MMP26: variants seen among roughly 807,000 people sequenced by gnomAD.
MMP26 encodes matrix metallopeptidase 26.
Under a neutral mutation model 31.0 loss-of-function variants are expected in MMP26, and 33 were observed. That is an observed-to-expected ratio of 1.06 (90% confidence interval 0.81 to 1.42). The LOEUF is 1.42. Among genes scored for constraint, MMP26 ranks in the 40% most tolerant of loss-of-function variants. MMP26 has a pLI of 0.00. For synonymous variants in MMP26, 122 were observed against 114.9 expected, an observed-to-expected ratio of 1.06 and a Z score of -0.40; for missense variants, 347 against 316.1, an observed-to-expected ratio of 1.10 and a Z score of -0.74.
chr11:4,964,769 GACA>G (rs1284896000), intron 2 of MMP26, among the ~76,000 whole-genome samples: 1 of 152,092 alleles, frequency 6.6e-6, no homozygotes, highest in African/African-American at 2.4e-5. Flanking sequence ...CCTTCGCAGC[GACA>G]AGGATGGAGC....
intron 2 of MMP26, among the ~76,000 whole-genome samples, chr11:4,886,081 A>G (rs1165286678): frequency 2.4e-4 from 37 of 152,044 alleles, no homozygotes; most frequent in Admixed American, 2.3e-3. Flanking sequence ...TTTGCATGTC[A>G]TGGTTTTTGC....
intron 1 of MMP26, among the ~76,000 whole-genome samples, chr11:4,715,638 A>G (rs1046692674): frequency 5.9e-5 from 9 of 152,214 alleles, no homozygotes; most frequent in African/African-American, 1.7e-4. Context: ...AAGGTCACTA[A>G]TAAAACTGGA....
chr11:4,989,860 A>G lies in MMP26; in HGVS notation c.312A>G (p.Leu104=). ...GATGCAAGTGGAATAAGCACACTCT[A>G]ACTTACAGGTGCTTGTTACTAAGGC... is the stretch of plus-strand genomic sequence containing the variant. ...PGRCKWNKHT[L]TYRIINYPHD... The change falls in exon 4 of 8, where the codon CTA becomes CTG. Residue 104 remains leucine, a synonymous_variant. Coordinates refer to ENST00000380390, the MANE Select transcript of MMP26 (RefSeq NM_021801.5). 8 of 1,607,422 alleles carry G rather than the reference A, an allele frequency of 5.0e-6. No individual in the cohort carries two copies. The highest frequency in any genetic ancestry group is 6.8e-6 in the Non-Finnish European group (8 of 1,179,794).
intron 2 of MMP26, among the ~76,000 whole-genome samples, chr11:4,906,619 T>G (rs1033491659): frequency 2.0e-5 from 3 of 152,216 alleles, no homozygotes; most frequent in African/African-American, 4.8e-5. Context: ...TGATCTCTGA[T>G]TATTTTCTTA....
chr11:4,965,069 G>A (rs777298083), intron 2 of MMP26, among the ~76,000 whole-genome samples: 5 of 152,108 alleles, frequency 3.3e-5, no homozygotes, highest in Non-Finnish European at 5.9e-5. Flanking sequence ...CACATGTACC[G>A]CTGAACTGAA....
intron 2 of MMP26, among the ~76,000 whole-genome samples, chr11:4,947,951 T>C (rs1033375963): frequency 8.0e-6 from 1 of 125,250 alleles, no homozygotes; most frequent in Non-Finnish European, 1.8e-5. Context: ...AGGCCAAGTC[T>C]AAGCAGAGAT....
chr11:4,789,530 C>CTTTTTTTTTTTTGT (rs1848993381), intron 2 of MMP26, among the ~76,000 whole-genome samples: 1 of 65,942 alleles, frequency 1.5e-5, no homozygotes, highest in African/African-American at 5.4e-5. Flanking sequence ...TATCCCCCCA[C>CTTTTTTTTTTTTGT]TTTTTTTTTT....
At chr11:4,860,105 C>T in intron 2 of MMP26, 1 of 471,010 alleles carries the variant, frequency 2.1e-6, no homozygotes, top group Non-Finnish European at 4.4e-6. Flanking sequence ...ACACAGACTG[C>T]CCGGGTGAGG....
chr11:4,860,927 T>A (rs935425379), intron 2 of MMP26, among the ~76,000 whole-genome samples: 8 of 151,910 alleles, frequency 5.3e-5, no homozygotes, highest in Non-Finnish European at 1.0e-4. Flanking sequence ...CTTAATAACA[T>A]AGAGCATATT....
intron 2 of MMP26, chr11:4,924,299 A>T (rs1244824105): frequency 6.2e-7 from 1 of 1,613,066 alleles, no homozygotes. Context: ...CGTCAGGAAG[A>T]AAGTGGCTCT....
intron 1 of MMP26, among the ~76,000 whole-genome samples, chr11:4,740,064 T>A (rs1197108672): frequency 6.6e-6 from 1 of 152,208 alleles, no homozygotes; most frequent in East Asian, 1.9e-4. Flanking sequence ...TATGAAGTGA[T>A]TCTTGTTCCA....
intron 1 of MMP26, among the ~76,000 whole-genome samples, chr11:4,741,254 A>G (rs1263518874): frequency 6.6e-6 from 1 of 152,128 alleles, no homozygotes; most frequent in Non-Finnish European, 1.5e-5. Context: ...TGAGGTCTCA[A>G]AGATCTAGAT....
At position 4,769,335 on chromosome 11, in the gene MMP26, G is replaced by A. The variant is rs181690662; in HGVS notation, c.-145+1994G>A. The stretch of plus-strand genomic sequence containing the variant: ...ATTAATCCACAGATGCTATTTGCCC[G>A]AATGTCTGAACATGCTAATTGAATC... On this transcript the variant is annotated intron_variant, in intron 2 of 7. Coordinates refer to ENST00000380390, the MANE Select transcript of MMP26 (RefSeq NM_021801.5). 239 of 1,613,394 alleles carry A rather than the reference G, an allele frequency of 1.5e-4. 1 individual carries two copies. In the East Asian group the frequency reaches 4.7e-3, roughly 32 times the overall value.
chr11:4,907,936 C>T, intron 2 of MMP26: 1 of 1,614,092 alleles, frequency 6.2e-7, no homozygotes, highest in Non-Finnish European at 8.5e-7. Flanking sequence ...AGCTGGCCTG[C>T]TCTGACAACA....
At chr11:4,810,407 A>T (rs1849334671) in intron 2 of MMP26, among the ~76,000 whole-genome samples, 1 of 152,162 alleles carries the variant, frequency 6.6e-6, no homozygotes, top group Non-Finnish European at 1.5e-5. Context: ...GAATAAGCGT[A>T]AGTGTATATC....
chr11:4,914,884 C>CATGGGAGTGTAGAAGAGCAGCACAGCA, intron 2 of MMP26: 1 of 1,614,078 alleles, frequency 6.2e-7, no homozygotes, highest in Non-Finnish European at 8.5e-7. Flanking sequence ...AGAGGCCAAT[C>CATGGGAGTGTAGAAGAGCAGCACAGCA]ATGGGAGTGT....
intron 2 of MMP26, among the ~76,000 whole-genome samples, chr11:4,775,465 G>A (rs1220633666): frequency 6.6e-6 from 1 of 152,118 alleles, no homozygotes; most frequent in Non-Finnish European, 1.5e-5. Flanking sequence ...TGTGACTTCT[G>A]CACATTGATT....
rs1036748081 is a variant in MMP26, at chr11:4,780,912, T to C, written c.-145+13571T>C. ...AAATATGTATCTGTAGATATGTAAA[T>C]TTACATATTTAATTACATAACTATA... On this transcript the variant is annotated intron_variant, in intron 2 of 7. Coordinates refer to ENST00000380390, the MANE Select transcript of MMP26 (RefSeq NM_021801.5). Among the ~76,000 whole-genome samples, 5 of 151,858 alleles carry C rather than the reference T, an allele frequency of 3.3e-5. No homozygotes were observed. In the East Asian group the frequency reaches 9.7e-4, roughly 29 times the overall value.
intron 2 of MMP26, chr11:4,923,394 T>A: frequency 1.3e-6 from 2 of 1,562,028 alleles, no homozygotes; most frequent in Non-Finnish European, 1.7e-6. Flanking sequence ...CAAAAACACC[T>A]AAGTGACTTT....
Sources: gnomAD v4.1 joint callset for allele counts (sites outside exome capture counted in the v4.1 genomes callset) on GRCh38, gnomAD v4.1.1 for gene constraint, MANE v1.5 for transcripts, NCBI Gene and HGNC (gene_info 2026-07-23, HGNC 2026-07-21) for gene names.